Variants in SUGCT observed in about 807,000 individuals in gnomAD.
SUGCT encodes the protein succinyl-CoA:glutarate CoA-transferase.
SUGCT carries 41 observed loss-of-function variants against 55.0 expected under a neutral mutation model. The ratio of observed to expected loss-of-function variants is 0.74; its 90% CI spans 0.58 to 0.97. The LOEUF is 0.97. Among genes scored for constraint, SUGCT ranks in the 50% least tolerant of loss-of-function variants. SUGCT has a pLI of 0.00. For missense variants in SUGCT, 568 were observed against 547.8 expected (o/e 1.04, Z -0.37); for synonymous variants, 187 against 200.4 (o/e 0.93, Z 0.56).
chr7:40,293,945 A>G lies in SUGCT; in HGVS notation c.720+19289A>G, dbSNP rs376258837. On this transcript the variant is annotated intron_variant, in intron 8 of 13. Transcript: ENST00000335693. ...AAAGAACATACAGTGATTTAGAAAG[A>G]GCTTTTTTTTTTGTTTTTTTGAGTT... 3.3e-5 allele frequency among the ~76,000 whole-genome samples: 5 copies of G among 151,820 alleles called. No individual in the cohort carries two copies. In the East Asian group the frequency reaches 9.7e-4, roughly 29 times the overall value.
the SUGCT span, among the ~76,000 whole-genome samples, chr7:40,914,209 C>A: frequency 7.2e-5 from 11 of 151,796 alleles, no homozygotes; most frequent in South Asian, 1.9e-3. Context: ...ACACACATCA[C>A]TCAAAGTCCA....
the SUGCT span, among the ~76,000 whole-genome samples, chr7:40,918,950 C>T: frequency 6.6e-6 from 1 of 152,256 alleles, no homozygotes; most frequent in African/African-American, 2.4e-5. Flanking sequence ...AAAGTTCCCT[C>T]ACAAGTGGTG....
In SUGCT at chr7:40,256,456, GC is replaced by G. The variant is rs1381304728; in HGVS notation, c.577-18056del. Among the ~76,000 whole-genome samples, 3 of 152,304 alleles carry G rather than the reference GC, an allele frequency of 2.0e-5. No individual in the cohort carries two copies. The East Asian group carries it at 5.8e-4, about 29-fold the overall frequency. On this transcript the variant is annotated intron_variant, in intron 7 of 13. Transcript: ENST00000335693. The stretch of plus-strand genomic sequence containing the variant: ...TTGGTTACCTATAAATAGTGCTGTT[GC>G]TGGTCGAAGCAGAATAAATAAATGA...
At position 40,168,961 on chromosome 7, in the gene SUGCT, A is replaced by AC. The variant is rs368409353; in HGVS notation, c.101-11982dup. On this transcript the variant is annotated intron_variant, in intron 1 of 13. Coordinates refer to ENST00000335693, the MANE Select transcript of SUGCT (RefSeq NM_001193313.2). ...TTTCCCTTTTCTTTCCTTTCTGATG[A>AC]CCCCAGCAGTGTAAGACTACCACCT... Among the ~76,000 whole-genome samples the AC allele has an allele frequency of 5.5e-4, 84 of 151,768 alleles. 1 individual carries two copies. Among genetic ancestry groups the AC allele is most frequent in the African/African-American group, 1.9e-3 (80 of 41,378 alleles).
At chr7:40,857,982 A>G (rs1417677779) in intron 13 of SUGCT, among the ~76,000 whole-genome samples, 1 of 152,144 alleles carries the variant, frequency 6.6e-6, no homozygotes, top group Non-Finnish European at 1.5e-5. Context: ...ATCATTTTCT[A>G]GCTGTGTGAA....
At chr7:40,376,340 A>G (rs1415258454) in intron 9 of SUGCT, among the ~76,000 whole-genome samples, 1 of 151,980 alleles carries the variant, frequency 6.6e-6, no homozygotes, top group African/African-American at 2.4e-5. Flanking sequence ...CGTTGTGATC[A>G]CAACATTAAT....
intron 12 of SUGCT, among the ~76,000 whole-genome samples, chr7:40,575,119 CG>C (rs1210366162): frequency 2.0e-5 from 2 of 99,112 alleles, no homozygotes; most frequent in African/African-American, 9.2e-5. Context: ...AGGAGGGTGG[CG>C]GGGGTGGGGG....
intron 12 of SUGCT, among the ~76,000 whole-genome samples, chr7:40,661,235 A>G (rs905582654): frequency 6.6e-6 from 1 of 152,218 alleles, no homozygotes; most frequent in African/African-American, 2.4e-5. Flanking sequence ...AAATTAGTCA[A>G]TAACTACTTT....
the SUGCT span, among the ~76,000 whole-genome samples, chr7:40,919,415 T>G: frequency 6.6e-6 from 1 of 152,210 alleles, no homozygotes; most frequent in Non-Finnish European, 1.5e-5. Context: ...CATTTTCTGT[T>G]TAATCACTCA....
At chr7:40,576,540 C>T (rs187665091) in intron 12 of SUGCT, among the ~76,000 whole-genome samples, 94 of 152,280 alleles carry the variant, frequency 6.2e-4, no homozygotes, top group African/African-American at 2.1e-3. Flanking sequence ...TGCAGACTTA[C>T]GCATGTGAAA....
chr7:40,879,405 G>A, the SUGCT span, among the ~76,000 whole-genome samples: 1 of 152,194 alleles, frequency 6.6e-6, no homozygotes, highest in African/African-American at 2.4e-5. Flanking sequence ...ATCATGTCAT[G>A]TGTGTCATGA....
intron 9 of SUGCT, among the ~76,000 whole-genome samples, chr7:40,367,281 G>C (rs1452358808): frequency 7.0e-6 from 1 of 142,726 alleles, no homozygotes; most frequent in Non-Finnish European, 1.5e-5. Context: ...GGGGGGAGGG[G>C]GGGAGGAATA....
At chr7:40,146,694 C>T (rs1358276195) in intron 1 of SUGCT, among the ~76,000 whole-genome samples, 1 of 152,194 alleles carries the variant, frequency 6.6e-6, no homozygotes, top group African/African-American at 2.4e-5. Flanking sequence ...TGTTCCTTGC[C>T]CTCATTCCGG....
the SUGCT span, among the ~76,000 whole-genome samples, chr7:40,892,110 A>G: frequency 3.3e-5 from 5 of 152,250 alleles, no homozygotes; most frequent in Non-Finnish European, 5.9e-5. Context: ...TAACTCCAGT[A>G]TAAAGTTAAA....
chr7:40,693,950 T>C (rs1784807883), intron 12 of SUGCT, among the ~76,000 whole-genome samples: 1 of 152,236 alleles, frequency 6.6e-6, no homozygotes, highest in Non-Finnish European at 1.5e-5. Context: ...GTTCTCACCA[T>C]TCTTTTGGAA....
the SUGCT span, among the ~76,000 whole-genome samples, chr7:40,997,489 T>G: frequency 6.6e-6 from 1 of 152,070 alleles, no homozygotes; most frequent in Admixed American, 6.6e-5. Flanking sequence ...CTGCTCATGG[T>G]TCACTTACCA....
rs186832385 is a variant in SUGCT at position 40,334,694 on chromosome 7, C to T, written c.816+17839C>T. Among the ~76,000 whole-genome samples, 32 of 152,262 alleles carry T rather than the reference C, an allele frequency of 2.1e-4. No individual in the cohort carries two copies. In the East Asian group the frequency reaches 3.1e-3, roughly 15 times the overall value. On this transcript the variant is annotated intron_variant, in intron 9 of 13. Transcript: ENST00000335693. The stretch of plus-strand genomic sequence containing the variant: ...TAGATTGCAAAAATTTTCTCCCATT[C>T]TGTAGGTTGCCTGTTCACTCTGATG...
At chr7:40,759,106 C>T (rs551649103) in intron 13 of SUGCT, among the ~76,000 whole-genome samples, 3 of 152,268 alleles carry the variant, frequency 2.0e-5, no homozygotes, top group Admixed American at 1.3e-4. Context: ...CACTACCCTC[C>T]GTAGACTTAA....
intron 12 of SUGCT, among the ~76,000 whole-genome samples, chr7:40,623,044 G>A (rs1799347766): frequency 1.3e-5 from 2 of 152,140 alleles, no homozygotes; most frequent in African/African-American, 2.4e-5. Flanking sequence ...GACCTTGGGC[G>A]ATTCATTTGA....
Sources: allele counts gnomAD v4.1 joint callset (sites outside exome capture counted in the v4.1 genomes callset), GRCh38; gene constraint gnomAD v4.1.1; transcripts MANE v1.5; gene names NCBI Gene and HGNC (gene_info 2026-07-23, HGNC 2026-07-21).